MAGI2: variants seen among roughly 807,000 people sequenced by gnomAD.
MAGI2 encodes membrane associated guanylate kinase, WW and PDZ domain containing 2.
Under a neutral mutation model 133.3 loss-of-function variants are expected in MAGI2, and 35 were observed. The ratio of observed to expected loss-of-function variants is 0.26; its 90% CI spans 0.20 to 0.35. MAGI2 has a LOEUF of 0.35. Among genes scored for constraint, MAGI2 ranks in the 10% least tolerant of loss-of-function variants. The pLI is 1.00. For missense variants in MAGI2, 1,636 were observed against 1,863.4 expected (o/e 0.88, Z 2.25); for synonymous variants, 729 against 710.6 (o/e 1.03, Z -0.41).
chr7:78,553,611 T>C lies in MAGI2; in HGVS notation c.539-31966A>G, dbSNP rs138106819. On this transcript the variant is annotated intron_variant, in intron 3 of 21. Coordinates refer to ENST00000354212, the MANE Select transcript of MAGI2 (RefSeq NM_012301.4). ...AGTTAGATGATTATCTCATTAGAGCTACTGAGTATGAAGCCCCAACAATGT... is the reference window on the plus strand; with the variant it reads ...AGTTAGATGATTATCTCATTAGAGCCACTGAGTATGAAGCCCCAACAATGT... Among the ~76,000 whole-genome samples, 446 of 152,316 alleles carry C rather than the reference T, an allele frequency of 2.9e-3. 1 individual carries two copies. The highest frequency in any genetic ancestry group is 7.3e-3 in the African/African-American group (304 of 41,576).
At chr7:79,443,115 T>C (rs1019910689) in intron 1 of MAGI2, among the ~76,000 whole-genome samples, 3 of 151,750 alleles carry the variant, frequency 2.0e-5, no homozygotes, top group Non-Finnish European at 4.4e-5. Context: ...CTAGTAAAAA[T>C]ACAAAAATTA....
intron 6 of MAGI2, among the ~76,000 whole-genome samples, chr7:78,460,720 TA>T (rs1465402190): frequency 6.6e-6 from 1 of 152,234 alleles, no homozygotes. Context: ...TGCTTTGGGT[TA>T]AATGGAGGTT....
rs113650621 is a variant in MAGI2 at position 78,262,859 on chromosome 7, C to T, written c.1409-6278G>A. Reference sequence around the variant, plus strand: ...AAATTTCAGATTCAGAGGATACATGCGTAGGTTTGTTACATGGGTATACTG... The same window carrying T: ...AAATTTCAGATTCAGAGGATACATGTGTAGGTTTGTTACATGGGTATACTG... On this transcript the variant is annotated intron_variant, in intron 9 of 21. Coordinates refer to ENST00000354212, the MANE Select transcript of MAGI2 (RefSeq NM_012301.4). Among the ~76,000 whole-genome samples the T allele has an allele frequency of 7.0e-3, 1,058 of 152,096 alleles. 14 individuals carry two copies. Among genetic ancestry groups the T allele is most frequent in the Non-Finnish European group, 9.5e-3 (648 of 67,964 alleles).
intron 10 of MAGI2, among the ~76,000 whole-genome samples, chr7:78,236,009 A>C: frequency 6.6e-6 from 1 of 150,570 alleles, no homozygotes; most frequent in East Asian, 1.9e-4. Flanking sequence ...TCCTTATCTA[A>C]TTCAGGTAAG....
At chr7:79,110,067 C>A (rs1818793900) in intron 1 of MAGI2, among the ~76,000 whole-genome samples, 1 of 151,988 alleles carries the variant, frequency 6.6e-6, no homozygotes, top group Non-Finnish European at 1.5e-5. Context: ...GAGCCATAAA[C>A]CTTCATGGTT....
At chr7:78,766,169 G>A (rs888227521) in intron 2 of MAGI2, among the ~76,000 whole-genome samples, 8 of 152,224 alleles carry the variant, frequency 5.3e-5, no homozygotes, top group African/African-American at 9.6e-5. Flanking sequence ...TTATTTGGCC[G>A]GGGTTGTGCT....
At position 78,334,148 on chromosome 7, in the gene MAGI2, A is replaced by C. The variant is rs143730721; in HGVS notation, c.1408+9630T>G. ...AATGAACAACCAGGAAATTGTATTA[A>C]ACTGCTAAGGAGCTCAGAATGGTTA... On this transcript the variant is annotated intron_variant, in intron 9 of 21. Coordinates refer to ENST00000354212, the MANE Select transcript of MAGI2 (RefSeq NM_012301.4). Among the ~76,000 whole-genome samples the C allele has an allele frequency of 6.2e-3, 948 of 152,270 alleles. 15 individuals carry two copies. Among genetic ancestry groups the C allele is most frequent in the African/African-American group, 0.022 (918 of 41,548 alleles).
At chr7:79,342,560 T>C (rs1840980505) in intron 1 of MAGI2, among the ~76,000 whole-genome samples, 1 of 152,200 alleles carries the variant, frequency 6.6e-6, no homozygotes, top group Non-Finnish European at 1.5e-5. Context: ...CTTCTTAATC[T>C]GATATTCCAG....
intron 21 of MAGI2, among the ~76,000 whole-genome samples, chr7:78,058,800 A>G (rs1451935413): frequency 1.3e-5 from 2 of 152,200 alleles, no homozygotes; most frequent in Non-Finnish European, 2.9e-5. Context: ...GGATGAGTAG[A>G]CCAAGGTCCA....
At chr7:79,008,886 G>T (rs1171486007) in intron 1 of MAGI2, 1 of 151,952 alleles carries the variant, frequency 6.6e-6, no homozygotes, top group East Asian at 1.9e-4. Context: ...TTTCCAGTCA[G>T]CAATACTTGC....
At chr7:78,599,773 G>C (rs1423104054) in intron 3 of MAGI2, among the ~76,000 whole-genome samples, 1 of 152,134 alleles carries the variant, frequency 6.6e-6, no homozygotes, top group African/African-American at 2.4e-5. Flanking sequence ...TCCTTCCCCA[G>C]CAAGGTACTA....
At chr7:78,458,185 G>T (rs1422913527) in intron 6 of MAGI2, among the ~76,000 whole-genome samples, 3 of 151,402 alleles carry the variant, frequency 2.0e-5, no homozygotes, top group Non-Finnish European at 4.4e-5. Flanking sequence ...AATCCCAGCT[G>T]CTCGGGAGGC....
intron 6 of MAGI2, among the ~76,000 whole-genome samples, chr7:78,432,443 C>T (rs566639120): frequency 3.9e-5 from 6 of 152,008 alleles, no homozygotes; most frequent in Non-Finnish European, 8.8e-5. Flanking sequence ...CAGTGAAACC[C>T]AGGTTTTGTC....
chr7:78,860,648 G>C (rs1584188923), intron 2 of MAGI2, among the ~76,000 whole-genome samples: 1 of 152,166 alleles, frequency 6.6e-6, no homozygotes, highest in East Asian at 1.9e-4. Context: ...GGTGTCATTC[G>C]GCCCCTACTG....
chr7:78,789,529 A>AT (rs67797536), intron 2 of MAGI2, among the ~76,000 whole-genome samples: 1 of 151,578 alleles, frequency 6.6e-6, no homozygotes, highest in South Asian at 2.1e-4. Flanking sequence ...TCTCATTTTT[A>AT]TTTTTTTCTT....
chr7:78,198,412 G>T (rs1450130991), intron 11 of MAGI2, among the ~76,000 whole-genome samples: 2 of 140,398 alleles, frequency 1.4e-5, no homozygotes, highest in Non-Finnish European at 3.0e-5. Flanking sequence ...AGAACACTCT[G>T]TTCATGGCTG....
intron 3 of MAGI2, among the ~76,000 whole-genome samples, chr7:78,524,370 T>C (rs1448819554): frequency 6.8e-6 from 1 of 146,694 alleles, no homozygotes; most frequent in Non-Finnish European, 1.5e-5. Flanking sequence ...GAAAGAGCTT[T>C]ATTAAAAAAA....
At chr7:78,862,211 T>C (rs1305814190) in intron 2 of MAGI2, among the ~76,000 whole-genome samples, 1 of 152,194 alleles carries the variant, frequency 6.6e-6, no homozygotes, top group Non-Finnish European at 1.5e-5. Flanking sequence ...TTCTCTCTCT[T>C]TTACAACAGA....
At chr7:78,717,279 A>G (rs1050958480) in intron 2 of MAGI2, among the ~76,000 whole-genome samples, 1 of 151,396 alleles carries the variant, frequency 6.6e-6, no homozygotes, top group African/African-American at 2.4e-5. Flanking sequence ...AACACAGCAC[A>G]CACACACACA....
Sources: allele counts gnomAD v4.1 joint callset (sites outside exome capture counted in the v4.1 genomes callset), GRCh38; gene constraint gnomAD v4.1.1; transcripts MANE v1.5; gene names NCBI Gene and HGNC (gene_info 2026-07-23, HGNC 2026-07-21).